SH3GL3: variants seen among roughly 807,000 people sequenced by gnomAD.
SH3GL3 encodes the protein endophilin-A3.
Under a neutral mutation model 47.7 loss-of-function variants are expected in SH3GL3, and 33 were observed. The ratio of observed to expected loss-of-function variants is 0.69; its 90% CI spans 0.52 to 0.92. The LOEUF (loss-of-function observed/expected upper bound fraction) is 0.92, where lower values mean the gene tolerates loss of function less well. Ranked by LOEUF, SH3GL3 falls within the 40% of genes least tolerant of loss-of-function variation. The pLI is 0.00. For synonymous variants in SH3GL3, 155 were observed against 148.8 expected, an observed-to-expected ratio of 1.04 and a Z score of -0.30; for missense variants, 363 against 417.8, an observed-to-expected ratio of 0.87 and a Z score of 1.14.
intron 1 of SH3GL3, among the ~76,000 whole-genome samples, chr15:83,465,347 C>A (rs112413222): frequency 3.8e-4 from 58 of 151,662 alleles, no homozygotes; most frequent in African/African-American, 1.2e-3. Context: ...AAAATAAAAA[C>A]ATGTATCTCA....
intron 1 of SH3GL3, among the ~76,000 whole-genome samples, chr15:83,484,877 T>C (rs2041525008): frequency 1.3e-5 from 2 of 152,220 alleles, no homozygotes; most frequent in African/African-American, 4.8e-5. Flanking sequence ...TTAAAACATT[T>C]TTTTTGGTTG....
intron 1 of SH3GL3, chr15:83,490,691 A>G: frequency 7.2e-7 from 1 of 1,380,718 alleles, no homozygotes; most frequent in Non-Finnish European, 9.8e-7. Context: ...ATCAGGGAAA[A>G]CAGACCAAGC....
At chr15:83,569,565 T>C (rs1398733677) in intron 4 of SH3GL3, among the ~76,000 whole-genome samples, 3 of 152,198 alleles carry the variant, frequency 2.0e-5, no homozygotes, top group African/African-American at 7.2e-5. Flanking sequence ...TTTTTCAGGT[T>C]TTGAAAGCAT....
chr15:83,481,135 C>A (rs570847705), intron 1 of SH3GL3, among the ~76,000 whole-genome samples: 2 of 151,914 alleles, frequency 1.3e-5, no homozygotes, highest in Admixed American at 6.6e-5. Context: ...AATTAGCGGG[C>A]GTGGTGGCAG....
intron 8 of SH3GL3, among the ~76,000 whole-genome samples, chr15:83,589,363 A>C (rs947925375): frequency 1.3e-5 from 2 of 151,982 alleles, no homozygotes; most frequent in East Asian, 3.9e-4. Context: ...AGCGTTTTGG[A>C]TTTTTTTCTG....
rs575835787 is a variant in SH3GL3 at position 83,534,934 on chromosome 15, G to A, written c.46-24319G>A. ...AAAAGAAAAACATGTGTTTGTATAT[G>A]TAAATTTAGGAAAAAGGTGGAAAGA... On this transcript the variant is annotated intron_variant, in intron 1 of 8. Coordinates refer to ENST00000427482, the MANE Select transcript of SH3GL3 (RefSeq NM_003027.5). Among the ~76,000 whole-genome samples the A allele has an allele frequency of 2.2e-4, 34 of 152,202 alleles. No individual in the cohort carries two copies. The South Asian group carries it at 5.4e-3, about 24-fold the overall frequency.
At chr15:83,543,194 TTGAA>T (rs2044248042) in intron 1 of SH3GL3, among the ~76,000 whole-genome samples, 1 of 152,140 alleles carries the variant, frequency 6.6e-6, no homozygotes, top group South Asian at 2.1e-4. Context: ...TGAAGGGACA[TTGAA>T]TTTTATCAAA....
Position 83,613,030 on chromosome 15 carries a change from G to A in SH3GL3, c.839-5052G>A, listed in dbSNP as rs115272246. Among the ~76,000 whole-genome samples the A allele has an allele frequency of 4.6e-3, 701 of 152,320 alleles. 4 individuals carry two copies. The highest frequency in any genetic ancestry group is 0.016 in the African/African-American group (646 of 41,584). ...CCACCCTCCTCCTCAAGTAAGGGAG[G>A]CAAGCCCCAGCTCCTTGGGTTGAGG... On this transcript the variant is annotated intron_variant, in intron 8 of 8. Coordinates refer to ENST00000427482, the MANE Select transcript of SH3GL3 (RefSeq NM_003027.5).
chr15:83,621,787 C>T (rs1412879520), downstream of SH3GL3, among the ~76,000 whole-genome samples: 3 of 152,206 alleles, frequency 2.0e-5, no homozygotes, highest in African/African-American at 7.2e-5. Flanking sequence ...AATCAGATTG[C>T]TGTACCTCAC....
intron 5 of SH3GL3, among the ~76,000 whole-genome samples, chr15:83,576,270 G>T (rs748704521): frequency 3.3e-5 from 5 of 152,228 alleles, no homozygotes; most frequent in Admixed American, 6.5e-5. Flanking sequence ...AGGCTGAAGT[G>T]AGGGATCGTA....
intron 6 of SH3GL3, among the ~76,000 whole-genome samples, chr15:83,582,620 C>T (rs1351842467): frequency 6.6e-6 from 1 of 152,054 alleles, no homozygotes; most frequent in South Asian, 2.1e-4. Flanking sequence ...CTTATTTGAC[C>T]GCAGAATTCC....
At chr15:83,475,198 C>G (rs1036962135) in intron 1 of SH3GL3, among the ~76,000 whole-genome samples, 2 of 151,740 alleles carry the variant, frequency 1.3e-5, no homozygotes, top group African/African-American at 4.8e-5. Flanking sequence ...GTTAACTAGG[C>G]TGGGCACAGT....
chr15:83,486,862 C>G (rs1005781366), intron 1 of SH3GL3, among the ~76,000 whole-genome samples: 1 of 152,186 alleles, frequency 6.6e-6, no homozygotes, highest in Non-Finnish European at 1.5e-5. Context: ...TTGCAGATGG[C>G]TACCTTCTCC....
chr15:83,611,774 G>C (rs2060673306), intron 8 of SH3GL3, among the ~76,000 whole-genome samples: 1 of 152,118 alleles, frequency 6.6e-6, no homozygotes, highest in Non-Finnish European at 1.5e-5. Context: ...AAGCATTCAG[G>C]TCCCTTGGAG....
intron 1 of SH3GL3, among the ~76,000 whole-genome samples, chr15:83,524,871 C>T (rs923928860): frequency 9.2e-5 from 14 of 152,080 alleles, no homozygotes; most frequent in Non-Finnish European, 2.1e-4. Context: ...GAATAGTATT[C>T]CATTGTGTAT....
intron 1 of SH3GL3, among the ~76,000 whole-genome samples, chr15:83,473,694 C>T (rs1420491798): frequency 6.6e-6 from 1 of 151,692 alleles, no homozygotes; most frequent in Non-Finnish European, 1.5e-5. Context: ...ACGACAGGCA[C>T]CCGCCACCAC....
intron 8 of SH3GL3, among the ~76,000 whole-genome samples, chr15:83,607,715 G>A (rs141309931): frequency 6.6e-6 from 1 of 152,162 alleles, no homozygotes; most frequent in East Asian, 1.9e-4. Context: ...AATCCACATT[G>A]TAAAAAAGCA....
intron 1 of SH3GL3, among the ~76,000 whole-genome samples, chr15:83,545,600 T>C (rs1485110237): frequency 1.3e-5 from 2 of 152,216 alleles, no homozygotes; most frequent in Non-Finnish European, 2.9e-5. Context: ...TGTCTGGGCA[T>C]TGAAGAGTTA....
rs547976370 is a variant in SH3GL3, at chr15:83,552,855, A to G, written c.46-6398A>G. On this transcript the variant is annotated intron_variant, in intron 1 of 8. Coordinates refer to ENST00000427482, the MANE Select transcript of SH3GL3 (RefSeq NM_003027.5). ...AGTTTCACTATTTCAGTTTTGCTTT[A>G]TATTTTTTGGAGGTTATACTAATAG... Among the ~76,000 whole-genome samples, 38 of 152,180 alleles carry G rather than the reference A, an allele frequency of 2.5e-4. 1 individual carries two copies. The highest frequency in any genetic ancestry group is 5.9e-5 in the Non-Finnish European group (4 of 67,982).
Sources: gnomAD v4.1 joint callset for allele counts (sites outside exome capture counted in the v4.1 genomes callset) on GRCh38, gnomAD v4.1.1 for gene constraint, MANE v1.5 for transcripts, NCBI Gene and HGNC (gene_info 2026-07-23, HGNC 2026-07-21) for gene names.